Variants in SRGAP1 observed in about 807,000 individuals in gnomAD.
SRGAP1 encodes the protein SLIT-ROBO Rho GTPase activating protein 1, also known as SLIT-ROBO Rho GTPase-activating protein 1.
Under a neutral mutation model 121.9 loss-of-function variants are expected in SRGAP1, and 43 were observed. That is an observed-to-expected ratio of 0.35 (90% CI 0.28 to 0.46). The LOEUF (loss-of-function observed/expected upper bound fraction) is 0.46. Among genes scored for constraint, SRGAP1 ranks in the 20% least tolerant of loss-of-function variants. SRGAP1 has a pLI of 1.00. For missense variants in SRGAP1, 1,102 were observed against 1,350.9 expected (o/e 0.82, Z 2.89); for synonymous variants, 447 against 485.4 (o/e 0.92, Z 1.04).
At chr12:64,056,471 T>G (rs1453370327) in intron 6 of SRGAP1, among the ~76,000 whole-genome samples, 1 of 147,440 alleles carries the variant, frequency 6.8e-6, no homozygotes, top group East Asian at 2.0e-4. Flanking sequence ...GAGAATCACT[T>G]GAATCCAGGA....
At position 63,855,473 on chromosome 12, in the gene SRGAP1, G is replaced by GTTTTTTT. The variant is rs781701925; in HGVS notation, c.67+10616_67+10622dup. Among the ~76,000 whole-genome samples, 57 of 52,934 alleles carry GTTTTTTT rather than the reference G, an allele frequency of 1.1e-3. 5 individuals carry two copies. Among genetic ancestry groups the GTTTTTTT allele is most frequent in the African/African-American group, 1.9e-3 (27 of 14,024 alleles). The allele number at this position is 52,934 out of a possible 152,430, so 34.7% of individuals were successfully genotyped here. On this transcript the variant is annotated intron_variant, in intron 1 of 21. Coordinates refer to ENST00000355086, the MANE Select transcript of SRGAP1 (RefSeq NM_020762.4). ...AGCAGCAGTCAACATGAAAAATGGT[G>GTTTTTTT]TTTTTTTTTTTTTTTTTTTTTTTTT...
chr12:64,152,788 C>T lies in SRGAP1; in HGVS notation c.*10116C>T, dbSNP rs1171642345. ...TTCATGAAGGGTTCCCCAAACCTCC[C>T]AGCTGGCATTAATTGTTCTGTTACA... On this transcript the variant is annotated 3_prime_UTR_variant, in exon 22 of 22. Coordinates refer to ENST00000355086, the MANE Select transcript of SRGAP1 (RefSeq NM_020762.4). 1 of 152,008 alleles carries T rather than the reference C, an allele frequency of 6.6e-6. No homozygotes were observed. Among genetic ancestry groups the T allele is most frequent in the East Asian group, 1.9e-4 (1 of 5,168 alleles). The allele number at this position is 152,008 out of a possible 1,614,324, so 9.4% of individuals were successfully genotyped here.
intron 5 of SRGAP1, 35 bp downstream of exon 5, chr12:64,043,007 A>G: frequency 6.8e-7 from 1 of 1,463,816 alleles, no homozygotes; most frequent in Non-Finnish European, 9.5e-7. Context: ...TTCTGCCTTC[A>G]TTTGAGGAGA....
chr12:63,945,617 G>C (rs2032019920), intron 1 of SRGAP1, among the ~76,000 whole-genome samples: 1 of 152,166 alleles, frequency 6.6e-6, no homozygotes, highest in South Asian at 2.1e-4. Flanking sequence ...TTAGTTTAGG[G>C]ATGTCTAAAT....
chr12:64,057,276 T>G (rs755936670), intron 6 of SRGAP1, among the ~76,000 whole-genome samples: 13 of 152,162 alleles, frequency 8.5e-5, no homozygotes, highest in Non-Finnish European at 1.6e-4. Flanking sequence ...TTGGTTACAG[T>G]TCTTAAAACA....
At chr12:64,141,436 C>T (rs373436059) in intron 21 of SRGAP1, among the ~76,000 whole-genome samples, 53 of 151,628 alleles carry the variant, frequency 3.5e-4, no homozygotes, top group African/African-American at 1.2e-3. Context: ...AAAAATTAGC[C>T]GGGCGTGGTG....
chr12:64,041,315 A>T (rs2136503275), intron 4 of SRGAP1, among the ~76,000 whole-genome samples: 1 of 152,080 alleles, frequency 6.6e-6, no homozygotes, highest in African/African-American at 2.4e-5. Context: ...CAAACGTAGG[A>T]TGATCTCAGT....
chr12:64,025,104 C>G (rs887928010), intron 4 of SRGAP1, among the ~76,000 whole-genome samples: 1 of 151,738 alleles, frequency 6.6e-6, no homozygotes, highest in African/African-American at 2.4e-5. Flanking sequence ...AGAATCTAGC[C>G]TGGCCTTTAC....
chr12:64,011,680 A>T (rs918548181), intron 3 of SRGAP1, among the ~76,000 whole-genome samples: 1 of 152,224 alleles, frequency 6.6e-6, no homozygotes, highest in African/African-American at 2.4e-5. Flanking sequence ...TTTAATGTTA[A>T]TGTACATTTA....
intron 8 of SRGAP1, among the ~76,000 whole-genome samples, chr12:64,071,878 C>G (rs1045885133): frequency 5.4e-5 from 8 of 148,668 alleles, no homozygotes; most frequent in Non-Finnish European, 1.0e-4. Context: ...TCACCCCCCC[C>G]CAAAAAAAAA....
intron 2 of SRGAP1, 28 bp downstream of exon 2, chr12:63,984,170 TCCAAGGGTGATATCCATA>T (rs978136882): frequency 1.5e-6 from 2 of 1,321,872 alleles, no homozygotes; most frequent in Non-Finnish European, 2.0e-6. Flanking sequence ...AATTCACCTT[TCCAAGGGTGATATCCATA>T]CTGCCTTTGC....
intron 1 of SRGAP1, among the ~76,000 whole-genome samples, chr12:63,869,128 A>G (rs1228878465): frequency 6.6e-6 from 1 of 152,214 alleles, no homozygotes; most frequent in Non-Finnish European, 1.5e-5. Flanking sequence ...ATAACAGAGT[A>G]CCACAGACTA....
chr12:63,937,358 A>AT (rs2031698904), intron 1 of SRGAP1, among the ~76,000 whole-genome samples: 1 of 152,198 alleles, frequency 6.6e-6, no homozygotes, highest in South Asian at 2.1e-4. Context: ...TTGTATATCT[A>AT]TATGTGTACC....
rs2037210105 is a variant in SRGAP1, at chr12:64,161,674, T to C, written c.*19002T>C. On this transcript the variant is annotated 3_prime_UTR_variant, in exon 22 of 22. Coordinates refer to ENST00000355086, the MANE Select transcript of SRGAP1 (RefSeq NM_020762.4). ...CCTGTGTTTGCTTTGCTTTCGTTTA[T>C]GTTACAGGCTTTCCTAAAATTCCTG... 1 of 152,236 alleles carries C rather than the reference T, an allele frequency of 6.6e-6. No homozygotes were observed. 9.4% of individuals were successfully genotyped at this position (152,236 alleles called of 1,614,324 possible).
intron 8 of SRGAP1, among the ~76,000 whole-genome samples, chr12:64,076,839 T>C (rs2035747112): frequency 6.6e-6 from 1 of 152,014 alleles, no homozygotes; most frequent in South Asian, 2.1e-4. Context: ...AGACAGGGTT[T>C]CACCATATTG....
intron 7 of SRGAP1, 34 bp downstream of exon 7, chr12:64,063,172 G>T: frequency 1.3e-6 from 2 of 1,537,184 alleles, no homozygotes; most frequent in Non-Finnish European, 9.0e-7. Context: ...ATAATGAATT[G>T]TCTCTTCACT....
rs2037084372 is a variant in SRGAP1 at position 64,148,402 on chromosome 12, C to G, written c.*5730C>G. 6.6e-6 allele frequency: 1 copy of G among 151,624 alleles called. No homozygotes were observed. The highest frequency in any genetic ancestry group is 2.4e-5 in the African/African-American group (1 of 41,244). The allele number at this position is 151,624 out of a possible 1,614,324, so 9.4% of individuals were successfully genotyped here. ...ATTCAAGCGATTCTCCTGCCTCAGC[C>G]TCCTAAGTAGCTGTAATTACAGGCA... is the stretch of plus-strand genomic sequence containing the variant. On this transcript the variant is annotated 3_prime_UTR_variant, in exon 22 of 22. Transcript: ENST00000355086.
chr12:63,851,763 T>C (rs770145311), intron 1 of SRGAP1, among the ~76,000 whole-genome samples: 2 of 151,662 alleles, frequency 1.3e-5, no homozygotes, highest in East Asian at 1.9e-4. Context: ...GACAGAGTTT[T>C]ACTGTGTTGG....
chr12:64,125,691 A>T (rs958743908), intron 18 of SRGAP1, among the ~76,000 whole-genome samples: 3 of 151,102 alleles, frequency 2.0e-5, no homozygotes, highest in Non-Finnish European at 4.4e-5. Flanking sequence ...AGTTTAAAGT[A>T]TTTTTTTTTG....
Sources: allele counts gnomAD v4.1 joint callset (sites outside exome capture counted in the v4.1 genomes callset), GRCh38; gene constraint gnomAD v4.1.1; transcripts MANE v1.5; gene names NCBI Gene and HGNC (gene_info 2026-07-23, HGNC 2026-07-21).